SPTB: variants seen among roughly 807,000 people sequenced by gnomAD.
The protein encoded by SPTB is spectrin beta, erythrocytic.
SPTB carries 45 observed loss-of-function variants against 256.2 expected under a neutral mutation model. That is an observed-to-expected ratio of 0.18 (90% CI 0.14 to 0.23). SPTB has a LOEUF of 0.23. SPTB is among the 10% of genes least tolerant of loss of function. The probability of loss-of-function intolerance (pLI) is 1.00; values close to 1 mark genes in which losing one functional copy is unlikely to be tolerated. For synonymous variants in SPTB, 1,231 were observed against 1,243.1 expected (o/e 0.99, Z 0.21); for missense variants, 2,715 against 3,040.4 (o/e 0.89, Z 2.52).
chr14:64,772,535 C>G lies in SPTB; in HGVS notation c.5553+45G>C. Reference sequence around the variant, plus strand: ...GCCAGGTGGGGACTGACACCCAGGGCTCCTGGAAATTGGTAGCAGGTGGGC... The same window carrying G: ...GCCAGGTGGGGACTGACACCCAGGGGTCCTGGAAATTGGTAGCAGGTGGGC... On this transcript the variant is annotated intron_variant, in intron 26 of 35. Transcript: ENST00000644917. The surrounding 1 kb of genome is among the most constrained non-coding windows in gnomAD (Gnocchi z 5.4). 1 of 1,596,880 alleles carries G rather than the reference C, an allele frequency of 6.3e-7. No individual in the cohort carries two copies. Among genetic ancestry groups the G allele is most frequent in the Non-Finnish European group, 8.5e-7 (1 of 1,179,032 alleles).
In SPTB at chr14:64,774,616, G is replaced by A. The variant is rs551182225; in HGVS notation, c.4843-89C>T. ...TGTGCCCCCACTCCTGGAGGTGCCC[G>A]AGGGAGGAGGGGAGTAGGCTTGTGG... is the stretch of plus-strand genomic sequence containing the variant. On this transcript the variant is annotated intron_variant, in intron 23 of 35. Transcript: ENST00000644917. The A allele has an allele frequency of 8.7e-5, 134 of 1,534,050 alleles. No homozygotes were observed. The African/African-American group carries it at 1.1e-3, about 12-fold the overall frequency.
At chr14:64,767,406 C>T (rs190149) in intron 30 of SPTB, 54 bp from the exon 31 acceptor site, 2 of 1,608,654 alleles carry the variant, frequency 1.2e-6, no homozygotes. Context: ...GAGTTGTGTT[C>T]TCAGACGATC....
intron 33 of SPTB, among the ~76,000 whole-genome samples, chr14:64,750,990 A>G (rs1594734734): frequency 6.9e-6 from 1 of 145,482 alleles, no homozygotes; most frequent in Non-Finnish European, 1.5e-5. Flanking sequence ...TTTATACATT[A>G]TATATAATAC....
Position 64,785,869 on chromosome 14 carries a change from C to T in SPTB, c.3644G>A (p.Gly1215Glu), listed in dbSNP as rs766548051. ...AGIRKFEDFL[G>E]SMENNRDKVL... ...CTTATCCCGGTTGTTCTCCATAGAC[C>T]CCAAGAAATCCTCAAACTTCCGGAT... The change falls in exon 17 of 36, where the codon GGG becomes GAG. Residue 1215 changes from glycine (G) to glutamate (E), a missense_variant. By Grantham distance (98) the Gly-to-Glu change is moderately conservative. Transcript: ENST00000644917. This position sits in a 1 kb window ranked among gnomAD's most constrained non-coding sequence, Gnocchi z 4.4. 1.9e-6 allele frequency: 3 copies of T among 1,613,998 alleles called. No individual in the cohort carries two copies. The highest frequency in any genetic ancestry group is 2.5e-6 in the Non-Finnish European group (3 of 1,180,038).
rs2083385653 is a variant in SPTB at position 64,826,962 on chromosome 14, G to A, written c.-51-3817C>T. On this transcript the variant is annotated intron_variant, in intron 1 of 35. Transcript: ENST00000644917. The surrounding 1 kb of genome is among the most constrained non-coding windows in gnomAD (Gnocchi z 4.4). ...ACAGAAGGAACATGTACTTATTAAT[G>A]CATTTCACAATACCACTGATGCAAC... is the stretch of plus-strand genomic sequence containing the variant. 6.6e-6 allele frequency among the ~76,000 whole-genome samples: 1 copy of A among 152,204 alleles called. No homozygotes were observed. The highest frequency in any genetic ancestry group is 2.1e-4 in the South Asian group (1 of 4,832).
chr14:64,835,003 G>A (rs190775039), intron 1 of SPTB, among the ~76,000 whole-genome samples: 3 of 152,288 alleles, frequency 2.0e-5, no homozygotes, highest in East Asian at 1.9e-4. Context: ...AGTTATGGGT[G>A]CCAATTTATT....
At chr14:64,810,500 T>C (rs2083067887) in intron 2 of SPTB, among the ~76,000 whole-genome samples, 1 of 152,122 alleles carries the variant, frequency 6.6e-6, no homozygotes, top group South Asian at 2.1e-4. Flanking sequence ...GCCAATATGA[T>C]GAAACGCCGT....
chr14:64,780,740 A>G (rs1566753049), intron 20 of SPTB, among the ~76,000 whole-genome samples: 1 of 152,172 alleles, frequency 6.6e-6, no homozygotes, highest in South Asian at 2.1e-4. Context: ...AATTTACATG[A>G]AACCAAAAAA....
intron 6 of SPTB, 38 bp downstream of exon 6, chr14:64,801,716 G>C (rs2082889948): frequency 2.5e-6 from 4 of 1,582,576 alleles, no homozygotes; most frequent in Non-Finnish European, 3.5e-6. Flanking sequence ...CAGGGAGGCT[G>C]TCTCAGTCAG....
At position 64,785,968 on chromosome 14, in the gene SPTB, C is replaced by T. The variant is rs1302788550; in HGVS notation, c.3562-17G>A. The T allele has an allele frequency of 1.2e-6, 2 of 1,613,462 alleles. No homozygotes were observed. Among genetic ancestry groups the T allele is most frequent in the Non-Finnish European group, 8.5e-7 (1 of 1,179,782 alleles). On this transcript the variant is annotated splice_polypyrimidine_tract_variant and intron_variant, in intron 16 of 35. Coordinates refer to ENST00000644917, the MANE Select transcript of SPTB (RefSeq NM_001355436.2). This position sits in a 1 kb window ranked among gnomAD's most constrained non-coding sequence, Gnocchi z 4.4. Reference sequence around the variant, plus strand: ...AGTGTATTCCTGTTGGAACAAGTTTCCAGACAAGGCATGAAGACACACGGA... The same window carrying T: ...AGTGTATTCCTGTTGGAACAAGTTTTCAGACAAGGCATGAAGACACACGGA...
At chr14:64,838,765 A>G (rs913600017) in intron 1 of SPTB, among the ~76,000 whole-genome samples, 1 of 152,228 alleles carries the variant, frequency 6.6e-6, no homozygotes, top group South Asian at 2.1e-4. Context: ...TACCATATTT[A>G]CCATATGACT....
Position 64,844,602 on chromosome 14 carries a change from G to A in SPTB, c.-51-21457C>T, listed in dbSNP as rs1455864818. On this transcript the variant is annotated intron_variant, in intron 1 of 35. Coordinates refer to ENST00000644917, the MANE Select transcript of SPTB (RefSeq NM_001355436.2). This position sits in a 1 kb window ranked among gnomAD's most constrained non-coding sequence, Gnocchi z 4.1. ...TGACAGCAGAACTTTAGGATGAATT[G>A]TCTCTAATGATAAATTTCAGCTTTG... Among the ~76,000 whole-genome samples the A allele has an allele frequency of 6.6e-6, 1 of 152,198 alleles. No individual in the cohort carries two copies. The highest frequency in any genetic ancestry group is 1.5e-5 in the Non-Finnish European group (1 of 68,038).
rs1297816731 is a variant in SPTB at position 64,746,329 on chromosome 14, T to C, written c.*2977A>G. On this transcript the variant is annotated 3_prime_UTR_variant, in exon 36 of 36. Coordinates refer to ENST00000644917, the MANE Select transcript of SPTB (RefSeq NM_001355436.2). The surrounding 1 kb of genome is among the most constrained non-coding windows in gnomAD (Gnocchi z 4.9). Reference sequence around the variant, plus strand: ...GAAAAACTAGTAAATGGGTTTCCTCTGGTTGGTGGAAGCACGGTTGAGCAG... The same window carrying C: ...GAAAAACTAGTAAATGGGTTTCCTCCGGTTGGTGGAAGCACGGTTGAGCAG... 6.6e-6 allele frequency: 1 copy of C among 152,506 alleles called. No individual in the cohort carries two copies. Among genetic ancestry groups the C allele is most frequent in the East Asian group, 1.9e-4 (1 of 5,196 alleles). 9.4% of individuals were successfully genotyped at this position (152,506 alleles called of 1,614,324 possible). A position where few individuals can be genotyped will look rare whatever the true frequency, so the allele number is the denominator to read the frequency against.
intron 2 of SPTB, among the ~76,000 whole-genome samples, chr14:64,815,018 ATG>A (rs927247115): frequency 1.7e-5 from 2 of 117,404 alleles, no homozygotes; most frequent in East Asian, 2.5e-4. Context: ...CAAGGTGTGT[ATG>A]TGTGTGTGTG....
chr14:64,787,152 G>A lies in SPTB; in HGVS notation c.2813C>T (p.Ala938Val), dbSNP rs745310809. The change falls in exon 16 of 36, where the codon GCA becomes GTA. Residue 938 changes from alanine (A) to valine (V), a missense_variant. Physicochemically the swap from Ala to Val is moderately conservative, Grantham distance 64. Transcript: ENST00000644917. Reference protein sequence around the residue: ...YQDHLNTRWQAFQTLVSERRE... With the variant: ...YQDHLNTRWQVFQTLVSERRE... ...CCGCTCCGACACCAGGGTCTGAAATGCCTGCCACCTGCCGGATGGGGACAC... is the reference window on the plus strand; with the variant it reads ...CCGCTCCGACACCAGGGTCTGAAATACCTGCCACCTGCCGGATGGGGACAC... 14 of 1,604,962 alleles carry A rather than the reference G, an allele frequency of 8.7e-6. No individual in the cohort carries two copies. In the African/African-American group the frequency reaches 9.3e-5, roughly 11 times the overall value.
At chr14:64,789,604 A>G (rs1751161863) in intron 15 of SPTB, among the ~76,000 whole-genome samples, 1 of 152,226 alleles carries the variant, frequency 6.6e-6, no homozygotes, top group South Asian at 2.1e-4. Context: ...AGAGTAAGCC[A>G]AGGGCATAGC....
rs2081902083 is a variant in SPTB at position 64,749,238 on chromosome 14, G to A, written c.*68C>T. The A allele has an allele frequency of 3.3e-6, 5 of 1,520,344 alleles. No individual in the cohort carries two copies. The highest frequency in any genetic ancestry group is 4.4e-6 in the Non-Finnish European group (5 of 1,133,954). The allele number at this position is 1,520,344 out of a possible 1,614,324, so 94.2% of individuals were successfully genotyped here. A position where few individuals can be genotyped will look rare whatever the true frequency, so the allele number is the denominator to read the frequency against. ...ATTCGACCGGCGGGCGGCGGCGAGA[G>A]GAGGCCAAGGCCTGGGCTGCCCGGT... On this transcript the variant is annotated 3_prime_UTR_variant, in exon 36 of 36. Transcript: ENST00000644917. This position sits in a 1 kb window ranked among gnomAD's most constrained non-coding sequence, Gnocchi z 4.7.
chr14:64,862,585 G>A (rs1881914096), intron 1 of SPTB, among the ~76,000 whole-genome samples: 1 of 151,992 alleles, frequency 6.6e-6, no homozygotes, highest in Admixed American at 6.6e-5. Flanking sequence ...TGGCACTTAA[G>A]GTGGTGGCCT....
chr14:64,840,302 T>C (rs981653336), intron 1 of SPTB, among the ~76,000 whole-genome samples: 4 of 152,236 alleles, frequency 2.6e-5, no homozygotes, highest in African/African-American at 4.8e-5. Flanking sequence ...CTCCTGGCCA[T>C]TGAGAATACT....
Sources: allele counts gnomAD v4.1 joint callset (sites outside exome capture counted in the v4.1 genomes callset), GRCh38; gene constraint gnomAD v4.1.1; non-coding constraint Gnocchi (gnomAD v3.1); transcripts MANE v1.5; gene names NCBI Gene and HGNC (gene_info 2026-07-23, HGNC 2026-07-21).